The following CADM2 variants were observed in gnomAD, a reference collection of about 807,000 sequenced individuals.
The protein encoded by CADM2 is cell adhesion molecule 2.
A neutral mutation model predicts 49.8 loss-of-function variants in CADM2; 12 were observed. The observed-to-expected ratio is 0.24, with a 90% CI of 0.15 to 0.39. The LOEUF is 0.39. Among genes scored for constraint, CADM2 ranks in the 10% least tolerant of loss-of-function variants. CADM2 has a pLI of 1.00. For synonymous variants in CADM2, 214 were observed against 175.4 expected, an observed-to-expected ratio of 1.22 and a Z score of -1.74; for missense variants, 378 against 492.3, an observed-to-expected ratio of 0.77 and a Z score of 2.20.
intron 1 of CADM2, among the ~76,000 whole-genome samples, chr3:85,324,184 T>C (rs2044688452): frequency 6.6e-6 from 1 of 152,328 alleles, no homozygotes; most frequent in African/African-American, 2.4e-5. Context: ...TATATACTTG[T>C]ATAAAACCTT....
intron 1 of CADM2, among the ~76,000 whole-genome samples, chr3:85,679,594 T>C (rs974448569): frequency 6.6e-6 from 1 of 152,138 alleles, no homozygotes; most frequent in Admixed American, 6.5e-5. Flanking sequence ...TTCTAGATTG[T>C]ATTATGCCTG....
chr3:85,954,283 A>T (rs1723785147), intron 7 of CADM2, among the ~76,000 whole-genome samples: 1 of 151,068 alleles, frequency 6.6e-6, no homozygotes, highest in Non-Finnish European at 1.5e-5. Flanking sequence ...AATGCTATTT[A>T]TAAATTATGT....
chr3:85,254,500 G>A lies in CADM2; in HGVS notation c.61+294832G>A, dbSNP rs74605644. Reference sequence around the variant, plus strand: ...CTGTAATCCTGCCTTGGTCATTCCCGTGACCTGCTCTCATCCTGAAGCTAC... The same window carrying A: ...CTGTAATCCTGCCTTGGTCATTCCCATGACCTGCTCTCATCCTGAAGCTAC... On this transcript the variant is annotated intron_variant, in intron 1 of 9. Transcript: ENST00000383699. 1.4e-4 allele frequency among the ~76,000 whole-genome samples: 21 copies of A among 152,092 alleles called. No individual in the cohort carries two copies. The East Asian group carries it at 1.9e-3, about 14-fold the overall frequency.
rs559687840 is a variant in CADM2 at position 85,705,737 on chromosome 3, A to G, written c.62-20785A>G. 3.3e-5 allele frequency among the ~76,000 whole-genome samples: 5 copies of G among 152,342 alleles called. No individual in the cohort carries two copies. In the East Asian group the frequency reaches 9.7e-4, roughly 29 times the overall value. ...CATTTTTGAGTTTAACAGGCTTAGA[A>G]GTCCAGTGGTGACACACAAAACTTC... is the stretch of plus-strand genomic sequence containing the variant. On this transcript the variant is annotated intron_variant, in intron 1 of 9. Coordinates refer to ENST00000383699, the MANE Select transcript of CADM2 (RefSeq NM_001167675.2).
At chr3:85,419,897 A>G (rs2036090310) in intron 1 of CADM2, among the ~76,000 whole-genome samples, 1 of 152,202 alleles carries the variant, frequency 6.6e-6, no homozygotes, top group Admixed American at 6.5e-5. Flanking sequence ...TTCTCCATCC[A>G]CGGGCATTCT....
At chr3:85,017,310 G>A (rs550525799) in intron 1 of CADM2, among the ~76,000 whole-genome samples, 25 of 152,270 alleles carry the variant, frequency 1.6e-4, no homozygotes, top group African/African-American at 5.3e-4. Flanking sequence ...AGATATTAAC[G>A]TTGAAATTAC....
At chr3:85,000,302 A>G (rs901713428) in intron 1 of CADM2, among the ~76,000 whole-genome samples, 14 of 150,446 alleles carry the variant, frequency 9.3e-5, no homozygotes, top group Non-Finnish European at 1.3e-4. Context: ...TTGCCTTTTT[A>G]TTTTTTGTAG....
At chr3:85,290,414 G>T (rs950956626) in intron 1 of CADM2, among the ~76,000 whole-genome samples, 1 of 152,228 alleles carries the variant, frequency 6.6e-6, no homozygotes, top group Non-Finnish European at 1.5e-5. Flanking sequence ...CAGCCTGGAA[G>T]CTCCAACTGG....
At chr3:85,834,691 C>T (rs57967732) in intron 3 of CADM2, among the ~76,000 whole-genome samples, 15,385 of 150,798 alleles carry the variant, frequency 0.1, 897 homozygotes, top group South Asian at 0.12. Flanking sequence ...ACAACATTTC[C>T]AATTGTAGTC....
intron 5 of CADM2, among the ~76,000 whole-genome samples, chr3:85,894,644 G>T (rs1262573270): frequency 6.6e-6 from 1 of 152,132 alleles, no homozygotes; most frequent in Non-Finnish European, 1.5e-5. Context: ...CTCATTACAG[G>T]CCCATTGTCC....
chr3:85,965,200 C>T (rs1035553468), intron 8 of CADM2, among the ~76,000 whole-genome samples: 1 of 150,372 alleles, frequency 6.7e-6, no homozygotes, highest in Non-Finnish European at 1.5e-5. Context: ...GATGTTCACA[C>T]TTTGTGTAGT....
chr3:85,159,678 A>T (rs1162701168), intron 1 of CADM2, among the ~76,000 whole-genome samples: 1 of 152,152 alleles, frequency 6.6e-6, no homozygotes, highest in South Asian at 2.1e-4. Flanking sequence ...TAACCGAATG[A>T]TTAACGCTGA....
intron 1 of CADM2, among the ~76,000 whole-genome samples, chr3:85,382,857 G>A (rs866226408): frequency 6.6e-6 from 1 of 151,998 alleles, no homozygotes; most frequent in Non-Finnish European, 1.5e-5. Flanking sequence ...AAATTTTATC[G>A]AAAAACTACA....
At chr3:85,468,823 C>G (rs767552533) in intron 1 of CADM2, among the ~76,000 whole-genome samples, 17 of 152,144 alleles carry the variant, frequency 1.1e-4, no homozygotes, top group Admixed American at 1.3e-4. Context: ...GATGTGCTAA[C>G]GAGCAGATCA....
At chr3:85,295,089 T>C (rs2043919368) in intron 1 of CADM2, among the ~76,000 whole-genome samples, 1 of 151,822 alleles carries the variant, frequency 6.6e-6, no homozygotes, top group Non-Finnish European at 1.5e-5. Flanking sequence ...CAAACAAATT[T>C]AGAAGAAAAA....
intron 1 of CADM2, among the ~76,000 whole-genome samples, chr3:85,008,484 C>G (rs987182386): frequency 1.3e-5 from 2 of 152,092 alleles, no homozygotes; most frequent in Non-Finnish European, 2.9e-5. Flanking sequence ...GCTACTTACT[C>G]ATGGACTCTC....
intron 1 of CADM2, among the ~76,000 whole-genome samples, chr3:85,632,705 T>C (rs554318262): frequency 1.3e-5 from 2 of 152,134 alleles, no homozygotes; most frequent in Admixed American, 6.6e-5. Flanking sequence ...TGCACTTTTG[T>C]GGGTATTTTG....
At position 85,002,825 on chromosome 3, in the gene CADM2, G is replaced by A. The variant is rs567734964; in HGVS notation, c.61+43157G>A. On this transcript the variant is annotated intron_variant, in intron 1 of 9. Transcript: ENST00000383699. The stretch of plus-strand genomic sequence containing the variant: ...ATTAGAGACAGGGTCTTGCTCTGTT[G>A]CTCAGGATGGAGTGCTATGGTGTGA... 3.9e-5 allele frequency among the ~76,000 whole-genome samples: 6 copies of A among 151,950 alleles called. No individual in the cohort carries two copies. In the South Asian group the frequency reaches 1.0e-3, roughly 26 times the overall value.
chr3:85,226,044 A>G (rs2042153213), intron 1 of CADM2, among the ~76,000 whole-genome samples: 1 of 152,114 alleles, frequency 6.6e-6, no homozygotes, highest in Non-Finnish European at 1.5e-5. Flanking sequence ...TTCATCAGGG[A>G]TATTGGCCTA....
Sources: allele counts gnomAD v4.1 joint callset (sites outside exome capture counted in the v4.1 genomes callset), GRCh38; gene constraint gnomAD v4.1.1; transcripts MANE v1.5; gene names NCBI Gene and HGNC (gene_info 2026-07-23, HGNC 2026-07-21).